The following AMPD3 variants were observed in gnomAD, a reference collection of about 807,000 sequenced individuals.
AMPD3 encodes AMP deaminase 3.
AMPD3 carries 57 observed loss-of-function variants against 82.3 expected under a neutral mutation model. That is an observed-to-expected ratio of 0.69 (90% confidence interval 0.56 to 0.86). AMPD3 has a LOEUF of 0.86. AMPD3 is among the 40% of genes least tolerant of loss of function. The probability of loss-of-function intolerance (pLI) is 0.00; values close to 1 mark genes in which losing one functional copy is unlikely to be tolerated. For missense variants in AMPD3, 870 were observed against 1,003.8 expected (o/e 0.87, Z 1.80); for synonymous variants, 381 against 394.7 (o/e 0.97, Z 0.41).
chr11:10,465,355 G>C (rs1239428694), intron 2 of AMPD3, among the ~76,000 whole-genome samples: 1 of 152,114 alleles, frequency 6.6e-6, no homozygotes, highest in East Asian at 1.9e-4. Flanking sequence ...AAGAATGCAG[G>C]AATTATGTAT....
chr11:10,495,627 A>G lies in AMPD3; in HGVS notation c.1324A>G (p.Ile442Val). ...KYQYSEPRLS[I>V]YGRSPEEWPN... Reference sequence around the variant, plus strand: ...CCAGTACTCAGAGCCACGGCTCTCCATCTACGGCCGCAGTCCTGAGGAGTG... The same window carrying G: ...CCAGTACTCAGAGCCACGGCTCTCCGTCTACGGCCGCAGTCCTGAGGAGTG... Residue 442 changes from isoleucine to valine, a missense_variant, in exon 9 of 15, where the codon ATC becomes GTC. Physicochemically the swap from Ile to Val is conservative, Grantham distance 29. Coordinates refer to ENST00000396553, the MANE Select transcript of AMPD3 (RefSeq NM_001025389.2). The G allele has an allele frequency of 6.2e-7, 1 of 1,613,924 alleles. No individual in the cohort carries two copies. The highest frequency in any genetic ancestry group is 8.5e-7 in the Non-Finnish European group (1 of 1,180,028).
chr11:10,497,263 C>T (rs1423257454), intron 10 of AMPD3, among the ~76,000 whole-genome samples: 1 of 150,970 alleles, frequency 6.6e-6, no homozygotes, highest in African/African-American at 2.4e-5. Flanking sequence ...CTGGATCTAG[C>T]CCCCGGCAGC....
chr11:10,457,085 C>G (rs1421189854), intron 1 of AMPD3, among the ~76,000 whole-genome samples: 1 of 149,152 alleles, frequency 6.7e-6, no homozygotes, highest in Non-Finnish European at 1.5e-5. Flanking sequence ...TCGAGCAATT[C>G]TCCCAACTCA....
intron 6 of AMPD3, 83 bp from the exon 7 acceptor site, chr11:10,493,266 G>T: frequency 6.6e-7 from 1 of 1,515,822 alleles, no homozygotes. Flanking sequence ...CTGGGGTTCT[G>T]TGCACATTGA....
chr11:10,460,073 AATATATATTTTATATAT>A (rs1220657370), intron 1 of AMPD3, among the ~76,000 whole-genome samples: 18 of 130,684 alleles, frequency 1.4e-4, no homozygotes, highest in Admixed American at 6.9e-4. Flanking sequence ...TATTATATAT[AATATATATTTTATATAT>A]ATATATATAT....
At chr11:10,455,916 G>A in intron 1 of AMPD3, 2 of 985,302 alleles carry the variant, frequency 2.0e-6, no homozygotes, top group Non-Finnish European at 2.4e-6. Flanking sequence ...GTTCAGAACG[G>A]AAGCAGCAAA....
At chr11:10,459,717 T>C (rs1191870348) in intron 1 of AMPD3, among the ~76,000 whole-genome samples, 1 of 151,854 alleles carries the variant, frequency 6.6e-6, no homozygotes, top group Non-Finnish European at 1.5e-5. Context: ...ATTCCACAAG[T>C]GTTATGCTGG....
intron 12 of AMPD3, 28 bp downstream of exon 12, chr11:10,501,618 C>T: frequency 1.2e-6 from 2 of 1,614,114 alleles, no homozygotes; most frequent in Non-Finnish European, 1.7e-6. Context: ...GGGAGCCCGT[C>T]CTGAGTGACT....
intron 2 of AMPD3, chr11:10,476,900 C>T (rs1327504871): frequency 2.1e-6 from 2 of 975,390 alleles, no homozygotes; most frequent in Non-Finnish European, 2.4e-6. Flanking sequence ...GTTGAGTTTC[C>T]CGAAGCAGTC....
Position 10,487,356 on chromosome 11 carries a change from G to T in AMPD3, c.931G>T (p.Val311Leu), listed in dbSNP as rs117706710. Residue 311 changes from valine (V) to leucine (L), a missense_variant, in exon 6 of 15, where the codon GTG (valine) becomes TTG (leucine). Transcript: ENST00000396553. ...TAACCCCCACCGGGACTTCTATAAC[G>T]TGAGAAAGGTGCGTTAGGGGCGAGT... ...KSNPHRDFYN[V>L]RKVDTHIHAA... is the part of the protein sequence containing the mutation. The T allele has an allele frequency of 8.2e-3, 13,236 of 1,614,054 alleles. 66 individuals are homozygous for T. Among genetic ancestry groups the T allele is most frequent in the Non-Finnish European group, 9.7e-3 (11,432 of 1,179,940 alleles).
chr11:10,450,710 C>T (rs1422226624), upstream of AMPD3: 26 of 1,087,892 alleles, frequency 2.4e-5, no homozygotes, highest in East Asian at 1.4e-3. Flanking sequence ...GTTGGCGGCG[C>T]GGCCCGGGCG....
chr11:10,494,340 G>A (rs367618397), intron 7 of AMPD3, among the ~76,000 whole-genome samples: 1 of 152,218 alleles, frequency 6.6e-6, no homozygotes, highest in African/African-American at 2.4e-5. Context: ...GGAAGGTATG[G>A]GAAGTTAGTG....
chr11:10,483,929 C>T (rs1391011744), intron 4 of AMPD3, among the ~76,000 whole-genome samples: 1 of 152,234 alleles, frequency 6.6e-6, no homozygotes, highest in Non-Finnish European at 1.5e-5. Context: ...GGAGTTGAAG[C>T]CTCCAGCTCT....
At chr11:10,467,119 A>G (rs983878391) in intron 2 of AMPD3, among the ~76,000 whole-genome samples, 8 of 152,220 alleles carry the variant, frequency 5.3e-5, no homozygotes, top group Middle Eastern at 3.2e-3. Flanking sequence ...CCTCCAAATG[A>G]TCACAACTCC....
intron 10 of AMPD3, chr11:10,499,717 C>CA: frequency 1.0e-6 from 1 of 985,166 alleles, no homozygotes; most frequent in Non-Finnish European, 1.2e-6. Flanking sequence ...CTGCTGATGG[C>CA]AATGGCCACT....
In AMPD3 at chr11:10,461,635, C is replaced by T. The variant is rs747924930; in HGVS notation, c.116C>T (p.Ser39Phe). The T allele has an allele frequency of 3.1e-6, 5 of 1,614,226 alleles. No homozygotes were observed. The highest frequency in any genetic ancestry group is 4.2e-6 in the Non-Finnish European group (5 of 1,180,040). Residue 39 changes from serine to phenylalanine, a missense_variant, in exon 2 of 15, where the codon TCC (serine) becomes TTC (phenylalanine). Coordinates refer to ENST00000396553, the MANE Select transcript of AMPD3 (RefSeq NM_001025389.2). ...GAAGAGGACAGCAAAGATGCCCTGTCCCTGTTCACTGTCCCAGAGGACTGC... is the reference window on the plus strand; with the variant it reads ...GAAGAGGACAGCAAAGATGCCCTGTTCCTGTTCACTGTCCCAGAGGACTGC... ...LREEDSKDAL[S>F]LFTVPEDCPI...
chr11:10,453,624 G>T (rs556367840), upstream of AMPD3, among the ~76,000 whole-genome samples: 92 of 150,320 alleles, frequency 6.1e-4, no homozygotes, highest in Non-Finnish European at 9.5e-4. Context: ...TTGCTCTGTC[G>T]CCAGGCTGGA....
rs1849579342 is a variant in AMPD3 at position 10,501,463 on chromosome 11, C to G, written c.1722-7C>G. 6.2e-7 allele frequency: 1 copy of G among 1,613,832 alleles called. No individual in the cohort carries two copies. Among genetic ancestry groups the G allele is most frequent in the East Asian group, 2.2e-5 (1 of 44,856 alleles). ...CCTTCCTGATTCGGAAACCCCTTCT[C>G]TTACAGGGAGCGCGGCCTGAGCACG... On this transcript the variant is annotated splice_region_variant and splice_polypyrimidine_tract_variant and intron_variant, in intron 11 of 14. Transcript: ENST00000396553.
intron 6 of AMPD3, among the ~76,000 whole-genome samples, chr11:10,489,647 G>A (rs911253847): frequency 4.6e-5 from 7 of 151,684 alleles, no homozygotes; most frequent in African/African-American, 1.2e-4. Context: ...GTCTGTGCCC[G>A]CCCCTGGGTG....
Sources: allele counts gnomAD v4.1 joint callset (sites outside exome capture counted in the v4.1 genomes callset), GRCh38; gene constraint gnomAD v4.1.1; transcripts MANE v1.5; gene names NCBI Gene and HGNC (gene_info 2026-07-23, HGNC 2026-07-21).